CCNG2: variants seen among roughly 807,000 people sequenced by gnomAD.
CCNG2 encodes cyclin G2.
In CCNG2, 20 loss-of-function variants were observed where a neutral mutation model predicts 36.5. The ratio of observed to expected loss-of-function variants is 0.55; its 90% CI spans 0.39 to 0.80. CCNG2 has a LOEUF of 0.80. Ranked by LOEUF, CCNG2 falls within the 30% of genes least tolerant of loss-of-function variation. The pLI is 0.00. For synonymous variants in CCNG2, 155 were observed against 140.1 expected, an observed-to-expected ratio of 1.11 and a Z score of -0.75; for missense variants, 358 against 390.8, an observed-to-expected ratio of 0.92 and a Z score of 0.71.
In CCNG2 at chr4:77,165,935, G is replaced by T. The variant is rs1577908962; in HGVS notation, c.*11G>T. On this transcript the variant is annotated 3_prime_UTR_variant, in exon 8 of 8. Coordinates refer to ENST00000316355, the MANE Select transcript of CCNG2 (RefSeq NM_004354.3). ...TGCTTTCCATCTTAGAAATCTGATTGTTCTGTCAGAATTTATATTTACAGG... is the reference window on the plus strand; with the variant it reads ...TGCTTTCCATCTTAGAAATCTGATTTTTCTGTCAGAATTTATATTTACAGG... 1.3e-6 allele frequency: 2 copies of T among 1,589,530 alleles called. No individual in the cohort carries two copies. The highest frequency in any genetic ancestry group is 2.2e-5 in the East Asian group (1 of 44,530).
rs761019183 is a variant in CCNG2 at position 77,164,263 on chromosome 4, T to A, written c.706-11T>A. 8 of 1,607,444 alleles carry A rather than the reference T, an allele frequency of 5.0e-6. No homozygotes were observed. The highest frequency in any genetic ancestry group is 6.8e-6 in the Non-Finnish European group (8 of 1,174,260). On this transcript the variant is annotated splice_polypyrimidine_tract_variant and intron_variant, in intron 6 of 7. Transcript: ENST00000316355. ...ACATTGCCGTAACCTCTTAAAATATTTTTTTTTCAGATTAATGACACTGAG... is the reference window on the plus strand; with the variant it reads ...ACATTGCCGTAACCTCTTAAAATATATTTTTTTCAGATTAATGACACTGAG...
At chr4:77,158,313 G>C in intron 1 of CCNG2, 1 of 560,386 alleles carries the variant, frequency 1.8e-6, no homozygotes. Flanking sequence ...ACCCAGCGCT[G>C]GCCGGCGGAC....
rs1731674114 is a variant in CCNG2, at chr4:77,168,058, CCT to C, written c.*2139_*2140del. The C allele has an allele frequency of 6.6e-6, 1 of 152,268 alleles. No homozygotes were observed. The highest frequency in any genetic ancestry group is 2.4e-5 in the African/African-American group (1 of 41,542). 9.4% of individuals were successfully genotyped at this position (152,268 alleles called of 1,614,324 possible). A position where few individuals can be genotyped will look rare whatever the true frequency, so the allele number is the denominator to read the frequency against. On this transcript the variant is annotated 3_prime_UTR_variant, in exon 8 of 8. Coordinates refer to ENST00000316355, the MANE Select transcript of CCNG2 (RefSeq NM_004354.3). ...TGGTTTTCAGTGTATTTAGTCGAGACCTCTCTGCTGAGCTTGCAACCTGTTTA... is the reference window on the plus strand; with the variant it reads ...TGGTTTTCAGTGTATTTAGTCGAGACCTCTGCTGAGCTTGCAACCTGTTTA...
rs1731661994 is a variant in CCNG2 at position 77,167,681 on chromosome 4, G to A, written c.*1757G>A. On this transcript the variant is annotated 3_prime_UTR_variant, in exon 8 of 8. Transcript: ENST00000316355. ...CCTTTCCCCTGCCCCACCCCAATAGGTTCCCCATCTGTCTAGTTTGATTTT... is the reference window on the plus strand; with the variant it reads ...CCTTTCCCCTGCCCCACCCCAATAGATTCCCCATCTGTCTAGTTTGATTTT... 6.6e-6 allele frequency: 1 copy of A among 152,054 alleles called. No individual in the cohort carries two copies. Among genetic ancestry groups the A allele is most frequent in the African/African-American group, 2.4e-5 (1 of 41,394 alleles). The allele number at this position is 152,054 out of a possible 1,614,324, so 9.4% of individuals were successfully genotyped here. A position where few individuals can be genotyped will look rare whatever the true frequency, so the allele number is the denominator to read the frequency against.
intron 4 of CCNG2, among the ~76,000 whole-genome samples, chr4:77,161,252 G>C (rs546949412): frequency 2.0e-5 from 3 of 152,022 alleles, no homozygotes; most frequent in Admixed American, 2.0e-4. Flanking sequence ...ACAGGCGTGC[G>C]CCACCACACC....
Position 77,161,565 on chromosome 4 carries a change from C to T in CCNG2, c.606+7C>T, listed in dbSNP as rs745920171. 13 of 1,603,448 alleles carry T rather than the reference C, an allele frequency of 8.1e-6. No homozygotes were observed. The highest frequency in any genetic ancestry group is 3.4e-4 in the Middle Eastern group (2 of 5,874). On this transcript the variant is annotated splice_region_variant and intron_variant, in intron 5 of 7. Coordinates refer to ENST00000316355, the MANE Select transcript of CCNG2 (RefSeq NM_004354.3). ...CATCTTTTCAAAAGCAAAAGTAAGT[C>T]GATTCCTTGCTTATGTATATATCTC... is the stretch of plus-strand genomic sequence containing the variant.
rs1731664227 is a variant in CCNG2, at chr4:77,167,788, G to T, written c.*1864G>T. ...GTAACACCTCTTCTCTGGAGATAGGGGTATGTTTTCCTACCCTTCTAGTGG... is the reference window on the plus strand; with the variant it reads ...GTAACACCTCTTCTCTGGAGATAGGTGTATGTTTTCCTACCCTTCTAGTGG... On this transcript the variant is annotated 3_prime_UTR_variant, in exon 8 of 8. Coordinates refer to ENST00000316355, the MANE Select transcript of CCNG2 (RefSeq NM_004354.3). 1 of 152,072 alleles carries T rather than the reference G, an allele frequency of 6.6e-6. No homozygotes were observed. The highest frequency in any genetic ancestry group is 2.4e-5 in the African/African-American group (1 of 41,394). 9.4% of individuals were successfully genotyped at this position (152,072 alleles called of 1,614,324 possible).
Position 77,163,223 on chromosome 4 carries a change from C to T in CCNG2, c.706-1051C>T, listed in dbSNP as rs553816862. 5.9e-5 allele frequency among the ~76,000 whole-genome samples: 9 copies of T among 152,176 alleles called. No individual in the cohort carries two copies. In the South Asian group the frequency reaches 1.7e-3, roughly 28 times the overall value. ...TCAGTTGAAGCTCTGGGGTTTTCAG[C>T]GTTGGCCTTTCCCCCCAACATTAGG... On this transcript the variant is annotated intron_variant, in intron 6 of 7. Coordinates refer to ENST00000316355, the MANE Select transcript of CCNG2 (RefSeq NM_004354.3).
At chr4:77,158,312 T>C (rs1436449753) in intron 1 of CCNG2, 2 of 560,656 alleles carry the variant, frequency 3.6e-6, no homozygotes, top group Admixed American at 3.2e-5. Flanking sequence ...TACCCAGCGC[T>C]GGCCGGCGGA....
chr4:77,165,638 A>G (rs1032504073), intron 7 of CCNG2, among the ~76,000 whole-genome samples, 163 bp from the exon 8 acceptor site: 1 of 152,188 alleles, frequency 6.6e-6, no homozygotes, highest in African/African-American at 2.4e-5. Flanking sequence ...TGAGATTACT[A>G]TAGACTTCAT....
rs4150059 is a variant in CCNG2 at position 77,159,619 on chromosome 4, T to G, written c.276+115T>G. The G allele has an allele frequency of 7.7e-4, 726 of 945,664 alleles. 3 individuals are homozygous for G. The African/African-American group carries it at 9.7e-3, about 13-fold the overall frequency. The allele number at this position is 945,664 out of a possible 1,614,324, so 58.6% of individuals were successfully genotyped here. Reference sequence around the variant, plus strand: ...AATAACGTCCACTGTACATAAAAATTTATAATCAGAATTGTGATCGTTAGT... The same window carrying G: ...AATAACGTCCACTGTACATAAAAATGTATAATCAGAATTGTGATCGTTAGT... On this transcript the variant is annotated intron_variant, in intron 3 of 7. Transcript: ENST00000316355.
chr4:77,158,543 T>C lies in CCNG2; in HGVS notation c.11T>C (p.Leu4Ser). Residue 4 changes from leucine to serine, a missense_variant, in exon 2 of 8, where the codon TTG becomes TCG. Physicochemically the swap from Leu to Ser is moderately radical, Grantham distance 145 (BLOSUM62 -2). Transcript: ENST00000316355. The part of the protein sequence containing the change: MKD[L>S]GAEHLAGHEG... ...GTGTCTTTACTGCAGATGAAGGATT[T>C]GGGGGCAGAGCACTTGGCAGGTCAT... 5 of 1,614,122 alleles carry C rather than the reference T, an allele frequency of 3.1e-6. No homozygotes were observed. Among genetic ancestry groups the C allele is most frequent in the Non-Finnish European group, 4.2e-6 (5 of 1,180,000 alleles).
intron 2 of CCNG2, 27 bp from the exon 3 acceptor site, chr4:77,159,340 A>T: frequency 6.3e-7 from 1 of 1,584,960 alleles, no homozygotes; most frequent in Non-Finnish European, 8.6e-7. Flanking sequence ...GAAAATTGTA[A>T]ACCTTGGTTC....
Position 77,164,390 on chromosome 4 carries a change from G to T in CCNG2, c.822G>T (p.Arg274Ser), listed in dbSNP as rs1477096407. Residue 274 changes from arginine to serine, a missense_variant, in exon 7 of 8, where the codon AGG becomes AGT. Transcript: ENST00000316355. ...AGAAGTTGGTTTGGATCGTTTCAAG[G>T]CGCACAGCCCAGAACCTCCACAACA... ...DLKKLVWIVS[R>S]RTAQNLHNSY... 6.2e-7 allele frequency: 1 copy of T among 1,614,078 alleles called. No individual in the cohort carries two copies. Among genetic ancestry groups the T allele is most frequent in the East Asian group, 2.2e-5 (1 of 44,878 alleles).
chr4:77,160,701 G>T lies in CCNG2; in HGVS notation c.277-20G>T, dbSNP rs748305601. ...GTCAAAGTGACAGTTGTTAAAAGAA[G>T]CCTCTTGTTTTTTTCTCAGGTGAAA... On this transcript the variant is annotated intron_variant, in intron 3 of 7. Transcript: ENST00000316355. The T allele has an allele frequency of 1.2e-6, 2 of 1,603,444 alleles. No homozygotes were observed. Among genetic ancestry groups the T allele is most frequent in the Non-Finnish European group, 1.7e-6 (2 of 1,175,836 alleles).
intron 7 of CCNG2, chr4:77,164,930 AAAAG>A (rs1402229618): frequency 6.5e-6 from 1 of 153,678 alleles, no homozygotes; most frequent in Non-Finnish European, 1.4e-5. Flanking sequence ...ACAAAACTGA[AAAAG>A]AATTCTGGGC....
In CCNG2 at chr4:77,159,521, A is replaced by T; in HGVS notation, c.276+17A>T. 6.2e-7 allele frequency: 1 copy of T among 1,607,204 alleles called. No homozygotes were observed. Among genetic ancestry groups the T allele is most frequent in the Non-Finnish European group, 8.5e-7 (1 of 1,177,176 alleles). ...CTTATGAAGGTATTTCATCATTTTT[A>T]TAAATATGTCTTCCTTTTTCTATGC... On this transcript the variant is annotated intron_variant, in intron 3 of 7. Transcript: ENST00000316355.
Position 77,170,014 on chromosome 4 carries a change from T to G in CCNG2, c.*4090T>G, listed in dbSNP as rs1284027890. 3.3e-5 allele frequency: 5 copies of G among 152,342 alleles called. No homozygotes were observed. In the East Asian group the frequency reaches 9.6e-4, roughly 29 times the overall value. The allele number at this position is 152,342 out of a possible 1,614,324, so 9.4% of individuals were successfully genotyped here. On this transcript the variant is annotated 3_prime_UTR_variant, in exon 8 of 8. Transcript: ENST00000316355. ...TTTCCTTTTTTTCCTAAAATTGATT[T>G]GAATTATTAGTGTATTAACAGAATA...
chr4:77,164,676 T>C (rs1577908091), intron 7 of CCNG2, 197 bp downstream of exon 7: 4 of 493,074 alleles, frequency 8.1e-6, no homozygotes, highest in East Asian at 6.5e-5. Context: ...TAAGGTCCTC[T>C]CCAATTTTTT....
Sources: gnomAD v4.1 joint callset for allele counts (sites outside exome capture counted in the v4.1 genomes callset) on GRCh38, gnomAD v4.1.1 for gene constraint, MANE v1.5 for transcripts, NCBI Gene and HGNC (gene_info 2026-07-23, HGNC 2026-07-21) for gene names.